The following TMEM154 variants were observed in gnomAD, a reference collection of about 807,000 sequenced individuals.
The protein encoded by TMEM154 is transmembrane protein 154.
In TMEM154, 27 loss-of-function variants were observed where a neutral mutation model predicts 24.5. The observed-to-expected ratio is 1.10, with a 90% confidence interval of 0.81 to 1.52. TMEM154 has a LOEUF of 1.52. Among genes scored for constraint, TMEM154 ranks in the 40% most tolerant of loss-of-function variants. TMEM154 has a pLI of 0.00. For synonymous variants in TMEM154, 67 were observed against 76.8 expected, an observed-to-expected ratio of 0.87 and a Z score of 0.67; for missense variants, 228 against 213.4, an observed-to-expected ratio of 1.07 and a Z score of -0.43.
chr4:152,656,780 G>A (rs1224357817), intron 1 of TMEM154, among the ~76,000 whole-genome samples: 3 of 151,940 alleles, frequency 2.0e-5, no homozygotes, highest in Non-Finnish European at 4.4e-5. Flanking sequence ...AATTAGCCGG[G>A]CATGGTGGTG....
intron 1 of TMEM154, among the ~76,000 whole-genome samples, chr4:152,675,156 C>CAAAAAAAA (rs368552348): frequency 1.2e-5 from 1 of 83,148 alleles, no homozygotes. Flanking sequence ...GGCTCCATCT[C>CAAAAAAAA]AAAAAAAAAA....
intron 6 of TMEM154, among the ~76,000 whole-genome samples, chr4:152,639,225 AC>A (rs1477186638): frequency 6.6e-6 from 1 of 152,226 alleles, no homozygotes; most frequent in African/African-American, 2.4e-5. Context: ...TGTTGGAATT[AC>A]AGGCATGAGC....
At position 152,652,527 on chromosome 4, in the gene TMEM154, A is replaced by C; in HGVS notation, c.364+11T>G. 6.2e-7 allele frequency: 1 copy of C among 1,613,834 alleles called. No homozygotes were observed. The highest frequency in any genetic ancestry group is 8.5e-7 in the Non-Finnish European group (1 of 1,179,912). ...CCCCCACCTGTAGGCAGGTTTTAGG[A>C]TAATACTCACATGTCTGTAAAGCAC... On this transcript the variant is annotated intron_variant, in intron 3 of 6. Transcript: ENST00000304385.
At chr4:152,661,289 TCTCTCTCTCTCTCTC>T (rs1561054938) in intron 1 of TMEM154, among the ~76,000 whole-genome samples, 9 of 46,432 alleles carry the variant, frequency 1.9e-4, no homozygotes, top group African/African-American at 5.9e-4. Context: ...TCTCTTTCTC[TCTCTCTCTCTCTCTC>T]TCTCTCTCTC....
At chr4:152,664,855 G>C (rs577276688) in intron 1 of TMEM154, among the ~76,000 whole-genome samples, 1 of 152,276 alleles carries the variant, frequency 6.6e-6, no homozygotes, top group South Asian at 2.1e-4. Context: ...CTGCGTTGTG[G>C]AGTAACTGAC....
chr4:152,667,081 C>T (rs768497681), intron 1 of TMEM154: 8 of 152,278 alleles, frequency 5.3e-5, no homozygotes, highest in Non-Finnish European at 1.2e-4. Flanking sequence ...TACTTCTCTG[C>T]CATCTGTCTC....
chr4:152,640,836 CG>C (rs1561046629), intron 6 of TMEM154, 91 bp downstream of exon 6: 2 of 1,070,826 alleles, frequency 1.9e-6, no homozygotes, highest in African/African-American at 1.6e-5. Flanking sequence ...ATTATAGGCA[CG>C]GAGGAGGTAA....
At chr4:152,646,010 A>T (rs955600671) in intron 3 of TMEM154, among the ~76,000 whole-genome samples, 3 of 151,958 alleles carry the variant, frequency 2.0e-5, no homozygotes, top group Admixed American at 2.0e-4. Context: ...TCTATCTAAA[A>T]TATAAAGGCT....
At chr4:152,629,174 C>T in intron 6 of TMEM154, among the ~76,000 whole-genome samples, 1 of 152,220 alleles carries the variant, frequency 6.6e-6, no homozygotes, top group East Asian at 1.9e-4. Flanking sequence ...CAGAGAGAAC[C>T]AGATGGAGTT....
intron 6 of TMEM154, among the ~76,000 whole-genome samples, chr4:152,632,634 T>C (rs1752069024): frequency 6.6e-6 from 1 of 152,222 alleles, no homozygotes; most frequent in Non-Finnish European, 1.5e-5. Context: ...ACAATAAGAA[T>C]CTGAACATTT....
intron 6 of TMEM154, 86 bp from the exon 7 acceptor site, chr4:152,628,647 T>G: frequency 8.0e-7 from 1 of 1,256,646 alleles, no homozygotes; most frequent in South Asian, 1.6e-5. Flanking sequence ...TCTTTTTTTT[T>G]TTTTTTTGAG....
At chr4:152,640,892 C>CAAAAAAATTAAA in intron 6 of TMEM154, 36 bp downstream of exon 6, 1 of 1,454,088 alleles carries the variant, frequency 6.9e-7, no homozygotes, top group Non-Finnish European at 9.6e-7. Context: ...CGCCCCCCGC[C>CAAAAAAATTAAA]ATATACATGT....
intron 1 of TMEM154, among the ~76,000 whole-genome samples, chr4:152,675,488 G>T (rs888213490): frequency 6.6e-6 from 1 of 152,144 alleles, no homozygotes; most frequent in Non-Finnish European, 1.5e-5. Flanking sequence ...TTAGCCGGGT[G>T]TGCTGGCACA....
intron 3 of TMEM154, among the ~76,000 whole-genome samples, chr4:152,647,726 G>A (rs965266846): frequency 3.3e-5 from 5 of 152,212 alleles, no homozygotes; most frequent in Admixed American, 3.3e-4. Context: ...TAGGCGTTGA[G>A]TTAGGTAAAG....
chr4:152,661,361 C>T (rs997981514), intron 1 of TMEM154, among the ~76,000 whole-genome samples: 5 of 124,126 alleles, frequency 4.0e-5, no homozygotes, highest in African/African-American at 1.5e-4. Flanking sequence ...TCTATGATAG[C>T]TTCAAAATAA....
chr4:152,672,034 G>A (rs1165219051), intron 1 of TMEM154, among the ~76,000 whole-genome samples: 1 of 149,920 alleles, frequency 6.7e-6, no homozygotes, highest in African/African-American at 2.5e-5. Flanking sequence ...GTGGGAGGAC[G>A]GCTTGAGCCC....
At chr4:152,671,549 C>T (rs1015990652) in intron 1 of TMEM154, among the ~76,000 whole-genome samples, 4 of 151,196 alleles carry the variant, frequency 2.6e-5, no homozygotes. Context: ...AGATCGAGAC[C>T]ATCCCGGCTA....
At chr4:152,652,513 A>G (rs768514507) in intron 3 of TMEM154, 25 bp downstream of exon 3, 7 of 1,613,062 alleles carry the variant, frequency 4.3e-6, no homozygotes, top group Non-Finnish European at 5.9e-6. Flanking sequence ...CCCCACCTGT[A>G]GGCAGGTTTT....
In TMEM154 at chr4:152,620,419, G is replaced by C. The variant is rs1393683960; in HGVS notation, c.*8127C>G. 2 of 152,244 alleles carry C rather than the reference G, an allele frequency of 1.3e-5. No individual in the cohort carries two copies. Among genetic ancestry groups the C allele is most frequent in the Non-Finnish European group, 2.9e-5 (2 of 68,138 alleles). The allele number at this position is 152,244 out of a possible 1,614,324, so 9.4% of individuals were successfully genotyped here. On this transcript the variant is annotated 3_prime_UTR_variant, in exon 7 of 7. Coordinates refer to ENST00000304385, the MANE Select transcript of TMEM154 (RefSeq NM_152680.3). ...CTAGGGTCCTGCCTTCACTGCCTCTGTTCCTTCTTATCTCAGCCTGCAGCC... is the reference window on the plus strand; with the variant it reads ...CTAGGGTCCTGCCTTCACTGCCTCTCTTCCTTCTTATCTCAGCCTGCAGCC...
Sources: allele counts gnomAD v4.1 joint callset (sites outside exome capture counted in the v4.1 genomes callset), GRCh38; gene constraint gnomAD v4.1.1; transcripts MANE v1.5; gene names NCBI Gene and HGNC (gene_info 2026-07-23, HGNC 2026-07-21).